The following DLGAP4 variants were observed in gnomAD, a reference collection of about 807,000 sequenced individuals.
DLGAP4 encodes disks large-associated protein 4.
In DLGAP4, 18 loss-of-function variants were observed where a neutral mutation model predicts 86.9. The observed-to-expected ratio is 0.21, with a 90% CI of 0.14 to 0.31. The LOEUF is 0.31. DLGAP4 is among the 10% of genes least tolerant of loss of function. The pLI is 1.00. For synonymous variants in DLGAP4, 548 were observed against 574.3 expected (o/e 0.95, Z 0.65); for missense variants, 1,085 against 1,362.6 (o/e 0.80, Z 3.21).
At chr20:36,438,386 A>C (rs1011270462) in intron 4 of DLGAP4, among the ~76,000 whole-genome samples, 14 of 147,886 alleles carry the variant, frequency 9.5e-5, no homozygotes, top group Non-Finnish European at 1.5e-4. Context: ...AAAAATATAT[A>C]TATATATATA....
chr20:36,416,490 G>A (rs565624348), intron 2 of DLGAP4, among the ~76,000 whole-genome samples: 4 of 152,330 alleles, frequency 2.6e-5, no homozygotes, highest in Middle Eastern at 3.4e-3. Flanking sequence ...GGTGGAACCC[G>A]GGCGAACCAG....
intron 2 of DLGAP4, among the ~76,000 whole-genome samples, chr20:36,400,826 G>T (rs1006551246): frequency 6.6e-6 from 1 of 152,126 alleles, no homozygotes; most frequent in Non-Finnish European, 1.5e-5. Flanking sequence ...AGGAGGGGGT[G>T]GCTGTGGCAA....
intron 1 of DLGAP4, among the ~76,000 whole-genome samples, chr20:36,329,470 G>T (rs1555891313): frequency 6.6e-6 from 1 of 152,176 alleles, no homozygotes; most frequent in African/African-American, 2.4e-5. Flanking sequence ...TCAGCTTAGG[G>T]CCAGACACAG....
At chr20:36,362,662 G>A (rs1346116396) in intron 1 of DLGAP4, among the ~76,000 whole-genome samples, 3 of 152,246 alleles carry the variant, frequency 2.0e-5, no homozygotes, top group Non-Finnish European at 4.4e-5. Flanking sequence ...CAGGTACAGC[G>A]TGTGGCAATG....
chr20:36,493,358 G>C (rs1177715736), intron 7 of DLGAP4, among the ~76,000 whole-genome samples: 2 of 152,204 alleles, frequency 1.3e-5, no homozygotes, highest in Non-Finnish European at 2.9e-5. Context: ...AGTGATGGGA[G>C]GCTCCACACC....
chr20:36,338,228 G>A (rs1349090602), intron 1 of DLGAP4, among the ~76,000 whole-genome samples: 4 of 152,180 alleles, frequency 2.6e-5, no homozygotes, highest in Admixed American at 2.0e-4. Flanking sequence ...GTGCAAGGGG[G>A]GAGGCAGGAG....
intron 1 of DLGAP4, among the ~76,000 whole-genome samples, chr20:36,345,385 A>C (rs781854260): frequency 6.6e-5 from 10 of 152,190 alleles, no homozygotes; most frequent in Non-Finnish European, 1.2e-4. Context: ...GTTTGTGGTC[A>C]TATCCCAGGG....
chr20:36,389,377 G>C (rs540620013), intron 2 of DLGAP4, among the ~76,000 whole-genome samples: 1 of 152,216 alleles, frequency 6.6e-6, no homozygotes, highest in Non-Finnish European at 1.5e-5. Context: ...TCTGGGACAA[G>C]TTACTTACTT....
intron 10 of DLGAP4, among the ~76,000 whole-genome samples, chr20:36,506,368 G>A (rs2036371304): frequency 6.6e-6 from 1 of 152,232 alleles, no homozygotes; most frequent in Non-Finnish European, 1.5e-5. Flanking sequence ...GTCTACCTGG[G>A]AGGGAAGAGG....
intron 7 of DLGAP4, among the ~76,000 whole-genome samples, chr20:36,484,422 G>A (rs1262786608): frequency 6.6e-6 from 1 of 152,342 alleles, no homozygotes; most frequent in East Asian, 1.9e-4. Flanking sequence ...CAACTGGGGA[G>A]TGAGCAGCTC....
intron 1 of DLGAP4, among the ~76,000 whole-genome samples, chr20:36,337,500 C>A (rs2065334952): frequency 6.6e-6 from 1 of 152,154 alleles, no homozygotes; most frequent in African/African-American, 2.4e-5. Flanking sequence ...CAGTGCTGAG[C>A]TGAGATGGGC....
At chr20:36,345,618 CAGCCAATGTCAGCTGTTACTAT>C (rs1279201444) in intron 1 of DLGAP4, among the ~76,000 whole-genome samples, 1 of 152,246 alleles carries the variant, frequency 6.6e-6, no homozygotes, top group African/African-American at 2.4e-5. Context: ...GGCGAATGTA[CAGCCAATGTCAGCTGTTACTAT>C]AGTCACCTGT....
intron 1 of DLGAP4, among the ~76,000 whole-genome samples, chr20:36,361,669 G>GT (rs1468807033): frequency 5.9e-5 from 9 of 152,030 alleles, no homozygotes; most frequent in Non-Finnish European, 1.2e-4. Flanking sequence ...TGTATAGGAG[G>GT]TTTTTTAAAA....
In DLGAP4 at chr20:36,432,707, T is replaced by C. The variant is rs769889166; in HGVS notation, c.990T>C (p.His330=). The change falls in exon 3 of 13, where the codon CAT becomes CAC. Residue 330 remains histidine (H), a synonymous_variant. Transcript: ENST00000339266. This position sits in a 1 kb window ranked among gnomAD's most constrained non-coding sequence, Gnocchi z 6.5. The part of the protein sequence containing the change: ...SKSCHQGLAY[H]YLQVPGGGGE... ...CCTGCCACCAGGGTCTAGCCTACCA[T>C]TACCTGCAGGTGGGTCTCTGGCAGG... The C allele has an allele frequency of 3.7e-6, 6 of 1,612,810 alleles. No individual in the cohort carries two copies. Among genetic ancestry groups the C allele is most frequent in the African/African-American group, 1.3e-5 (1 of 74,916 alleles).
intron 1 of DLGAP4, among the ~76,000 whole-genome samples, chr20:36,310,232 G>C (rs2065042202): frequency 1.2e-5 from 1 of 81,070 alleles, no homozygotes; most frequent in Non-Finnish European, 2.8e-5. Flanking sequence ...AAGAAAGAAA[G>C]AAAGAAAGAA....
intron 7 of DLGAP4, among the ~76,000 whole-genome samples, chr20:36,472,045 T>C (rs6013244): frequency 6.7e-4 from 102 of 152,262 alleles, no homozygotes; most frequent in African/African-American, 2.4e-3. Flanking sequence ...ATGTCTACAC[T>C]GCCAGCAGAC....
At chr20:36,360,507 G>A (rs1262564300) in intron 1 of DLGAP4, among the ~76,000 whole-genome samples, 2 of 152,218 alleles carry the variant, frequency 1.3e-5, no homozygotes, top group African/African-American at 4.8e-5. Context: ...TGGTGTGTGA[G>A]CATCCCGAGG....
intron 1 of DLGAP4, among the ~76,000 whole-genome samples, chr20:36,325,719 CT>C (rs150878228): frequency 0.075 from 10,610 of 142,218 alleles, 970 homozygotes; most frequent in African/African-American, 0.23. Context: ...ACAAAATATA[CT>C]TTTTTTTTTT....
chr20:36,471,630 T>C (rs1410704778), intron 7 of DLGAP4, among the ~76,000 whole-genome samples: 2 of 152,252 alleles, frequency 1.3e-5, no homozygotes, highest in African/African-American at 4.8e-5. Flanking sequence ...GCCTTTCTCA[T>C]GTCCCTGGCT....
Sources: allele counts gnomAD v4.1 joint callset (sites outside exome capture counted in the v4.1 genomes callset), GRCh38; gene constraint gnomAD v4.1.1; non-coding constraint Gnocchi (gnomAD v3.1); transcripts MANE v1.5; gene names NCBI Gene and HGNC (gene_info 2026-07-23, HGNC 2026-07-21).